Variants in CABLES2 observed in about 807,000 individuals in gnomAD.
CABLES2 encodes the protein CDK5 and ABL1 enzyme substrate 2.
Under a neutral mutation model 44.8 loss-of-function variants are expected in CABLES2, and 35 were observed. The observed-to-expected ratio is 0.78, with a 90% CI of 0.60 to 1.04. CABLES2 has a LOEUF of 1.04. Ranked by LOEUF, CABLES2 falls within the 50% of genes least tolerant of loss-of-function variation. The pLI, the probability that CABLES2 is intolerant of heterozygous loss-of-function variation, is 0.00. For missense variants in CABLES2, 566 were observed against 615.7 expected (o/e 0.92, Z 0.85); for synonymous variants, 282 against 281.1 (o/e 1.00, Z -0.03).
intron 1 of CABLES2, among the ~76,000 whole-genome samples, chr20:62,399,230 G>A (rs545129186): frequency 3.8e-5 from 4 of 105,362 alleles, no homozygotes; most frequent in East Asian, 4.3e-4. Context: ...GATTACAGGC[G>A]TGAGCCACCA....
In CABLES2 at chr20:62,396,481, G is replaced by A; in HGVS notation, c.434+40C>T. ...GCCCCGCAGGGGTCAGTGGCAGCCC[G>A]AGCGGAGTCGTAGAGCTCGGGGCGG... On this transcript the variant is annotated intron_variant, in intron 2 of 9. Transcript: ENST00000279101. This position sits in a 1 kb window ranked among gnomAD's most constrained non-coding sequence, Gnocchi z 5.7. The A allele has an allele frequency of 7.4e-6, 12 of 1,612,806 alleles. No individual in the cohort carries two copies. Among genetic ancestry groups the A allele is most frequent in the South Asian group, 2.2e-5 (2 of 91,064 alleles).
At position 62,396,221 on chromosome 20, in the gene CABLES2, G is replaced by T; in HGVS notation, c.527+94C>A. On this transcript the variant is annotated intron_variant, in intron 3 of 9. Coordinates refer to ENST00000279101, the MANE Select transcript of CABLES2 (RefSeq NM_031215.3). This position sits in a 1 kb window ranked among gnomAD's most constrained non-coding sequence, Gnocchi z 5.7. ...GAGTGTGGGGTGGGCGGGAGCTTTG[G>T]GAGTGGAGGGAAGATTGCTTGGCTG... 9.6e-7 allele frequency: 1 copy of T among 1,046,852 alleles called. No individual in the cohort carries two copies. The highest frequency in any genetic ancestry group is 1.5e-6 in the Non-Finnish European group (1 of 672,758). 64.8% of individuals were successfully genotyped at this position (1,046,852 alleles called of 1,614,324 possible).
chr20:62,392,333 G>A lies in CABLES2; in HGVS notation c.1091+56C>T, dbSNP rs1744301437. ...GAGAGAATCTACCAGAAACTGGAGA[G>A]GAGAGGCTGGCAGGGCCTCCCAGGA... On this transcript the variant is annotated intron_variant, in intron 8 of 9. Transcript: ENST00000279101. 9 of 1,245,310 alleles carry A rather than the reference G, an allele frequency of 7.2e-6. No homozygotes were observed. In the South Asian group the frequency reaches 8.5e-5, roughly 12 times the overall value. The allele number at this position is 1,245,310 out of a possible 1,614,324, so 77.1% of individuals were successfully genotyped here.
chr20:62,394,123 G>A (rs776891481), intron 5 of CABLES2, 34 bp downstream of exon 5: 5 of 1,550,952 alleles, frequency 3.2e-6, no homozygotes, highest in Non-Finnish European at 4.5e-6. Context: ...TGGCCCTGAC[G>A]GCGCTGGGTG....
Position 62,391,242 on chromosome 20 carries a change from C to A in CABLES2, c.1296+7G>T, listed in dbSNP as rs571467074. On this transcript the variant is annotated splice_region_variant and intron_variant, in intron 9 of 9. Transcript: ENST00000279101. This position sits in a 1 kb window ranked among gnomAD's most constrained non-coding sequence, Gnocchi z 5.7. ...TGCCTGCAGTGCCTGCCGAGCCGGGCACTCACATCGATGAGCTGCGTCACG... is the reference window on the plus strand; with the variant it reads ...TGCCTGCAGTGCCTGCCGAGCCGGGAACTCACATCGATGAGCTGCGTCACG... The A allele has an allele frequency of 5.6e-6, 9 of 1,605,120 alleles. No homozygotes were observed. The East Asian group carries it at 1.6e-4, about 28-fold the overall frequency.
At chr20:62,395,064 G>C in intron 3 of CABLES2, 50 bp from the exon 4 acceptor site, 3 of 1,395,740 alleles carry the variant, frequency 2.1e-6, no homozygotes, top group Middle Eastern at 1.8e-4. Flanking sequence ...CGGGGCTCAA[G>C]GTACTGCTGC....
In CABLES2 at chr20:62,391,496, G is replaced by A; in HGVS notation, c.1092-43C>T. 1 of 1,597,128 alleles carries A rather than the reference G, an allele frequency of 6.3e-7. No individual in the cohort carries two copies. Among genetic ancestry groups the A allele is most frequent in the Non-Finnish European group, 8.6e-7 (1 of 1,166,848 alleles). On this transcript the variant is annotated intron_variant, in intron 8 of 9. Transcript: ENST00000279101. This position sits in a 1 kb window ranked among gnomAD's most constrained non-coding sequence, Gnocchi z 5.7. ...AGCCATGTCCCTGGGGGCTCTGGCTGGGGCTGAGGAGGCAGCCCCCTGCCA... is the reference window on the plus strand; with the variant it reads ...AGCCATGTCCCTGGGGGCTCTGGCTAGGGCTGAGGAGGCAGCCCCCTGCCA...
intron 5 of CABLES2, among the ~76,000 whole-genome samples, 169 bp downstream of exon 5, chr20:62,393,988 C>T (rs1987968713): frequency 6.6e-6 from 1 of 152,180 alleles, no homozygotes; most frequent in African/African-American, 2.4e-5. Flanking sequence ...CGACGGGCTC[C>T]AGGGCCACGT....
chr20:62,407,171 GC>G lies in CABLES2; in HGVS notation c.105del (p.Leu36CysfsTer123). The G allele has an allele frequency of 2.0e-6, 2 of 998,594 alleles. No individual in the cohort carries two copies. The highest frequency in any genetic ancestry group is 2.4e-6 in the Non-Finnish European group (2 of 839,484). The allele number at this position is 998,594 out of a possible 1,614,324, so 61.9% of individuals were successfully genotyped here. Reference sequence around the variant, plus strand: ...CGCCGCGAGTCCCCGCGCCTCCGCAGCGCCTGCGGCGGGGCCCGAGCGGCCG... The same window carrying G: ...CGCCGCGAGTCCCCGCGCCTCCGCAGGCCTGCGGCGGGGCCCGAGCGGCCG... ...PTSAARAPPQ[A>X]LRRRGDSRRR... On this transcript the variant is annotated frameshift_variant, in exon 1 of 10. Coordinates refer to ENST00000279101, the MANE Select transcript of CABLES2 (RefSeq NM_031215.3). LOFTEE classifies it high-confidence loss of function.
Position 62,398,081 on chromosome 20 carries a change from GGTGGT to G in CABLES2, c.363-1494_363-1490del, listed in dbSNP as rs1988083723. Among the ~76,000 whole-genome samples, 2 of 115,960 alleles carry G rather than the reference GGTGGT, an allele frequency of 1.7e-5. 1 individual carries two copies. The highest frequency in any genetic ancestry group is 6.8e-5 in the African/African-American group (2 of 29,222). The allele number at this position is 115,960 out of a possible 152,430, so 76.1% of individuals were successfully genotyped here. A position where few individuals can be genotyped will look rare whatever the true frequency, so the allele number is the denominator to read the frequency against. On this transcript the variant is annotated intron_variant, in intron 1 of 9. Coordinates refer to ENST00000279101, the MANE Select transcript of CABLES2 (RefSeq NM_031215.3). ...CGATGGTGGTGGTGACGGTGGTGGT[GGTGGT>G]GACGGTGGTGGTGGTGGTGATGGTG...
intron 1 of CABLES2, 130 bp downstream of exon 1, chr20:62,406,785 T>TGAC: frequency 2.2e-6 from 1 of 444,882 alleles, no homozygotes; most frequent in African/African-American, 2.1e-5. Context: ...AGGCCCCAGG[T>TGAC]CACCTGACCC....
rs565930449 is a variant in CABLES2 at position 62,391,599 on chromosome 20, G to A, written c.1092-146C>T. The A allele has an allele frequency of 1.0e-4, 85 of 817,392 alleles. No individual in the cohort carries two copies. The East Asian group carries it at 1.6e-3, about 16-fold the overall frequency. The allele number at this position is 817,392 out of a possible 1,614,324, so 50.6% of individuals were successfully genotyped here. On this transcript the variant is annotated intron_variant, in intron 8 of 9. Coordinates refer to ENST00000279101, the MANE Select transcript of CABLES2 (RefSeq NM_031215.3). This position sits in a 1 kb window ranked among gnomAD's most constrained non-coding sequence, Gnocchi z 5.7. ...CATCCTTCAGGGGATGGTACCCTCC[G>A]CCGTACCATGTATAACGCCCAGGGC...
Position 62,391,426 on chromosome 20 carries a change from C to T in CABLES2, c.1119G>A (p.Ser373=), listed in dbSNP as rs768069567. ...RSLKREMRSL[S]EECSLEPVTV... is the part of the protein sequence containing the mutation. ...TCACGGGCTCCAGGCTGCACTCCTC[C>T]GACAGGCTCCGCATCTCCCGCTTTA... The change falls in exon 9 of 10, where the codon TCG becomes TCA. Residue 373 remains serine (S), a synonymous_variant. Transcript: ENST00000279101. The surrounding 1 kb of genome is among the most constrained non-coding windows in gnomAD (Gnocchi z 5.7). 6.1e-5 allele frequency: 99 copies of T among 1,613,198 alleles called. No homozygotes were observed. Among genetic ancestry groups the T allele is most frequent in the Non-Finnish European group, 7.8e-5 (92 of 1,180,004 alleles).
In CABLES2 at chr20:62,391,453, G is replaced by C; in HGVS notation, c.1092C>G (p.Ser364Arg). ...HVKLTLSKIR[S>R]LKREMRSLSE... ...ACAGGCTCCGCATCTCCCGCTTTAAGCTGTGGGTTAAGACAGAAGCCATGT... is the reference window on the plus strand; with the variant it reads ...ACAGGCTCCGCATCTCCCGCTTTAACCTGTGGGTTAAGACAGAAGCCATGT... Residue 364 changes from serine to arginine, a missense_variant and splice_region_variant, in exon 9 of 10, where the codon AGC becomes AGG. Physicochemically the swap from Ser to Arg is moderately radical, Grantham distance 110. Coordinates refer to ENST00000279101, the MANE Select transcript of CABLES2 (RefSeq NM_031215.3). The surrounding 1 kb of genome is among the most constrained non-coding windows in gnomAD (Gnocchi z 5.7). The C allele has an allele frequency of 6.2e-7, 1 of 1,612,994 alleles. No homozygotes were observed. Among genetic ancestry groups the C allele is most frequent in the Non-Finnish European group, 8.5e-7 (1 of 1,179,948 alleles).
rs1988068614 is a variant in CABLES2 at position 62,398,004 on chromosome 20, ATGGTTATGGCGGTGG to A, written c.363-1427_363-1413del. 1.1e-4 allele frequency among the ~76,000 whole-genome samples: 7 copies of A among 62,268 alleles called. No homozygotes were observed. The South Asian group carries it at 2.8e-3, about 25-fold the overall frequency. 40.9% of individuals were successfully genotyped at this position (62,268 alleles called of 152,430 possible). Reference sequence around the variant, plus strand: ...GATGGCGGTGGTGGTGATGATGGTGATGGTTATGGCGGTGGTGGTGGTGGTGACAGTGATGGTGAT... The same window carrying A: ...GATGGCGGTGGTGGTGATGATGGTGATGGTGGTGGTGACAGTGATGGTGAT... On this transcript the variant is annotated intron_variant, in intron 1 of 9. Transcript: ENST00000279101.
At chr20:62,394,076 G>GT in intron 5 of CABLES2, 81 bp downstream of exon 5, 1 of 1,048,716 alleles carries the variant, frequency 9.5e-7, no homozygotes, top group Non-Finnish European at 1.5e-6. Context: ...CGTGTGCCTC[G>GT]TGGGCACTGA....
At chr20:62,392,829 G>T in intron 7 of CABLES2, 91 bp downstream of exon 7, 1 of 1,161,916 alleles carries the variant, frequency 8.6e-7, no homozygotes, top group South Asian at 1.3e-5. Flanking sequence ...TCACGCCCCT[G>T]GGGCAGCTTT....
At chr20:62,403,277 G>A (rs1570025) in intron 1 of CABLES2, 17,259 of 152,300 alleles carry the variant, frequency 0.11, 1,302 homozygotes, top group East Asian at 0.23. Context: ...ATGGGACCTC[G>A]GATGGAAAGA....
chr20:62,391,512 C>A lies in CABLES2; in HGVS notation c.1092-59G>T. 6.5e-7 allele frequency: 1 copy of A among 1,546,890 alleles called. No individual in the cohort carries two copies. The highest frequency in any genetic ancestry group is 8.9e-7 in the Non-Finnish European group (1 of 1,122,978). On this transcript the variant is annotated intron_variant, in intron 8 of 9. Coordinates refer to ENST00000279101, the MANE Select transcript of CABLES2 (RefSeq NM_031215.3). The surrounding 1 kb of genome is among the most constrained non-coding windows in gnomAD (Gnocchi z 5.7). Reference sequence around the variant, plus strand: ...GCTCTGGCTGGGGCTGAGGAGGCAGCCCCCTGCCACCACCAACCGAGGCTG... The same window carrying A: ...GCTCTGGCTGGGGCTGAGGAGGCAGACCCCTGCCACCACCAACCGAGGCTG...
Sources: allele counts gnomAD v4.1 joint callset (sites outside exome capture counted in the v4.1 genomes callset), GRCh38; gene constraint gnomAD v4.1.1; non-coding constraint Gnocchi (gnomAD v3.1); transcripts MANE v1.5; gene names NCBI Gene and HGNC (gene_info 2026-07-23, HGNC 2026-07-21).